Variants in CLEC5A observed in about 807,000 individuals in gnomAD.
The protein encoded by CLEC5A is C-type lectin domain family 5 member A.
Under a neutral mutation model 24.4 loss-of-function variants are expected in CLEC5A, and 15 were observed. That is an observed-to-expected ratio of 0.62 (90% CI 0.41 to 0.95). CLEC5A has a LOEUF of 0.95. Ranked by LOEUF, CLEC5A falls within the 40% of genes least tolerant of loss-of-function variation. The pLI is 0.00. For synonymous variants in CLEC5A, 71 were observed against 72.6 expected, an observed-to-expected ratio of 0.98 and a Z score of 0.11; for missense variants, 211 against 224.0, an observed-to-expected ratio of 0.94 and a Z score of 0.37.
chr7:141,931,661 C>T (rs781827617), intron 6 of CLEC5A, 59 bp downstream of exon 6: 1 of 899,240 alleles, frequency 1.1e-6, no homozygotes, highest in Admixed American at 1.7e-5. Flanking sequence ...CCAGCAATCT[C>T]AGGTTTGGTC....
chr7:141,930,770 TATG>T (rs1362471534), intron 6 of CLEC5A, among the ~76,000 whole-genome samples: 2 of 152,228 alleles, frequency 1.3e-5, no homozygotes, highest in East Asian at 3.9e-4. Context: ...GGACTAGCTT[TATG>T]ATATTTAACA....
rs1416689887 is a variant in CLEC5A at position 141,928,825 on chromosome 7, A to G, written c.*1279T>C. On this transcript the variant is annotated 3_prime_UTR_variant, in exon 7 of 7. Coordinates refer to ENST00000546910, the MANE Select transcript of CLEC5A (RefSeq NM_013252.3). ...TATGTGCTGTACTTTGGTGACTATTATTTCCATCAGTTTTATACATGGTCT... is the reference window on the plus strand; with the variant it reads ...TATGTGCTGTACTTTGGTGACTATTGTTTCCATCAGTTTTATACATGGTCT... The G allele has an allele frequency of 6.6e-6, 1 of 152,164 alleles. No homozygotes were observed. The highest frequency in any genetic ancestry group is 1.5e-5 in the Non-Finnish European group (1 of 68,046). The allele number at this position is 152,164 out of a possible 1,614,324, so 9.4% of individuals were successfully genotyped here. A position where few individuals can be genotyped will look rare whatever the true frequency, so the allele number is the denominator to read the frequency against.
intron 4 of CLEC5A, among the ~76,000 whole-genome samples, chr7:141,942,625 A>G (rs1162560943): frequency 1.3e-5 from 2 of 152,136 alleles, no homozygotes; most frequent in Non-Finnish European, 2.9e-5. Context: ...AACAATCAAC[A>G]AAGTGAAGAG....
rs183897741 is a variant in CLEC5A, at chr7:141,942,513, A to C, written c.208+1383T>G. On this transcript the variant is annotated intron_variant, in intron 4 of 6. Coordinates refer to ENST00000546910, the MANE Select transcript of CLEC5A (RefSeq NM_013252.3). ...GGAAACTCTGTAGGACATTGAAGTG[A>C]GCAAAGATTTCTTGAGTAATATCCC... Among the ~76,000 whole-genome samples the C allele has an allele frequency of 2.0e-5, 3 of 152,246 alleles. No homozygotes were observed. The East Asian group carries it at 5.8e-4, about 29-fold the overall frequency.
chr7:141,930,348 A>G, intron 6 of CLEC5A, 130 bp from the exon 7 acceptor site: 1 of 674,110 alleles, frequency 1.5e-6, no homozygotes. Context: ...CTGGAAGGGC[A>G]GCAGACTACC....
chr7:141,943,888 C>G lies in CLEC5A; in HGVS notation c.208+8G>C. The stretch of plus-strand genomic sequence containing the variant: ...GGATGGGGAGTAGGTTGTAATCATG[C>G]ACTTTACCTGTTCCATAGCTCCTTG... On this transcript the variant is annotated splice_region_variant and intron_variant, in intron 4 of 6. Coordinates refer to ENST00000546910, the MANE Select transcript of CLEC5A (RefSeq NM_013252.3). 6.3e-7 allele frequency: 1 copy of G among 1,585,638 alleles called. No individual in the cohort carries two copies. The highest frequency in any genetic ancestry group is 8.7e-7 in the Non-Finnish European group (1 of 1,154,384).
intron 5 of CLEC5A, among the ~76,000 whole-genome samples, chr7:141,933,575 CATATATATATATATATATATATATATAT>C (rs3043785): frequency 1.7e-4 from 20 of 115,236 alleles, no homozygotes; most frequent in African/African-American, 7.9e-4. Context: ...AGGGAGCAGG[CATATATATATATATATATATATATATAT>C]ATATATATAT....
chr7:141,936,352 C>A (rs1802625761), intron 4 of CLEC5A: 2 of 256,258 alleles, frequency 7.8e-6, no homozygotes, highest in Admixed American at 1.1e-4. Context: ...CCTATCCCTG[C>A]TGCAGTGACA....
intron 5 of CLEC5A, among the ~76,000 whole-genome samples, chr7:141,933,614 A>G (rs1414345208): frequency 9.7e-6 from 1 of 103,402 alleles, no homozygotes; most frequent in Non-Finnish European, 2.1e-5. Flanking sequence ...ATATATATAT[A>G]TACTTGTTAT....
chr7:141,941,262 G>C (rs1554441616), intron 4 of CLEC5A, among the ~76,000 whole-genome samples: 1 of 152,088 alleles, frequency 6.6e-6, no homozygotes, highest in African/African-American at 2.4e-5. Context: ...GGAATGCAAG[G>C]ATGGTTCAAC....
intron 4 of CLEC5A, among the ~76,000 whole-genome samples, chr7:141,937,477 C>A (rs550025996): frequency 6.6e-6 from 1 of 152,236 alleles, no homozygotes; most frequent in South Asian, 2.1e-4. Context: ...AGAACTATGT[C>A]TCATGAATCG....
In CLEC5A at chr7:141,936,834, A is replaced by T. The variant is rs74924613; in HGVS notation, c.209-884T>A. Among the ~76,000 whole-genome samples, 777 of 152,104 alleles carry T rather than the reference A, an allele frequency of 5.1e-3. 8 individuals are homozygous for T. Among genetic ancestry groups the T allele is most frequent in the African/African-American group, 0.018 (746 of 41,490 alleles). On this transcript the variant is annotated intron_variant, in intron 4 of 6. Coordinates refer to ENST00000546910, the MANE Select transcript of CLEC5A (RefSeq NM_013252.3). ...GAGAGGAGAGGGAAGAGTAAAGAGT[A>T]CTTTGTCTTGCATCTTGGATGCAAG...
intron 4 of CLEC5A, among the ~76,000 whole-genome samples, chr7:141,943,189 G>A (rs1802850200): frequency 6.6e-6 from 1 of 152,146 alleles, no homozygotes; most frequent in African/African-American, 2.4e-5. Flanking sequence ...TCCATCAACA[G>A]ATGAATGGAT....
chr7:141,936,151 C>T, intron 4 of CLEC5A: 1 of 574,962 alleles, frequency 1.7e-6, no homozygotes, highest in Non-Finnish European at 3.1e-6. Context: ...GAGAAGAGCG[C>T]AGTGGCTGAA....
At chr7:141,931,627 C>G (rs572834285) in intron 6 of CLEC5A, 93 bp downstream of exon 6, 2 of 759,512 alleles carry the variant, frequency 2.6e-6, no homozygotes, top group Admixed American at 1.8e-5. Flanking sequence ...CAAGTGTCAG[C>G]GTTTGAGCTA....
At position 141,941,140 on chromosome 7, in the gene CLEC5A, C is replaced by G. The variant is rs111931875; in HGVS notation, c.208+2756G>C. On this transcript the variant is annotated intron_variant, in intron 4 of 6. Transcript: ENST00000546910. ...AGACACATCAAAAAATGAAACTACA[C>G]GCAAATATACCAATCAATATTGATG... Among the ~76,000 whole-genome samples the G allele has an allele frequency of 4.4e-3, 662 of 151,844 alleles. 5 individuals carry two copies. The highest frequency in any genetic ancestry group is 0.015 in the African/African-American group (636 of 41,496).
chr7:141,933,203 A>C (rs1255912465), intron 5 of CLEC5A, among the ~76,000 whole-genome samples: 1 of 152,152 alleles, frequency 6.6e-6, no homozygotes, highest in East Asian at 1.9e-4. Context: ...AGAGGCAGAA[A>C]GGAGGAAGCG....
Position 141,945,330 on chromosome 7 carries a change from A to G in CLEC5A, c.139+11T>C. 6.3e-7 allele frequency: 1 copy of G among 1,596,680 alleles called. No homozygotes were observed. Among genetic ancestry groups the G allele is most frequent in the Non-Finnish European group, 8.6e-7 (1 of 1,164,158 alleles). ...GAGGATGGGGAGAAGATTTACCACC[A>G]TGCAGATTACCTGTTCCATAGCTCC... On this transcript the variant is annotated intron_variant, in intron 3 of 6. Coordinates refer to ENST00000546910, the MANE Select transcript of CLEC5A (RefSeq NM_013252.3).
At chr7:141,946,010 T>C (rs570490028) in intron 2 of CLEC5A, 4 of 558,818 alleles carry the variant, frequency 7.2e-6, no homozygotes, top group Non-Finnish European at 1.3e-5. Context: ...AAGTTCTATA[T>C]CTCCAAGGTA....
Sources: allele counts gnomAD v4.1 joint callset (sites outside exome capture counted in the v4.1 genomes callset), GRCh38; gene constraint gnomAD v4.1.1; transcripts MANE v1.5; gene names NCBI Gene and HGNC (gene_info 2026-07-23, HGNC 2026-07-21).